The following LRRC4C variants were observed in gnomAD, a reference collection of about 807,000 sequenced individuals.
LRRC4C encodes the protein leucine rich repeat containing 4C.
A neutral mutation model predicts 33.6 loss-of-function variants in LRRC4C; 5 were observed. That is an observed-to-expected ratio of 0.15 (90% CI 0.08 to 0.31). LRRC4C has a LOEUF of 0.31. LRRC4C is among the 10% of genes least tolerant of loss of function. The pLI is 1.00. For missense variants in LRRC4C, 560 were observed against 796.7 expected, an observed-to-expected ratio of 0.70 and a Z score of 3.58; for synonymous variants, 329 against 302.0, an observed-to-expected ratio of 1.09 and a Z score of -0.93.
intron 2 of LRRC4C, among the ~76,000 whole-genome samples, chr11:40,870,186 T>C (rs1954564662): frequency 1.3e-5 from 2 of 152,116 alleles, no homozygotes; most frequent in African/African-American, 4.8e-5. Context: ...ATAAAAATAT[T>C]ATTAATAGTC....
At chr11:40,650,860 A>G (rs1157178100) in intron 2 of LRRC4C, among the ~76,000 whole-genome samples, 12 of 152,108 alleles carry the variant, frequency 7.9e-5, no homozygotes. Context: ...CAAACCACCC[A>G]TTAATGCCCT....
chr11:41,205,215 C>T (rs1946550048), intron 1 of LRRC4C, among the ~76,000 whole-genome samples: 1 of 152,100 alleles, frequency 6.6e-6, no homozygotes, highest in Admixed American at 6.5e-5. Flanking sequence ...ATAGATCATA[C>T]AGAGCTATAT....
intron 1 of LRRC4C, among the ~76,000 whole-genome samples, chr11:41,351,131 G>A (rs975878694): frequency 6.6e-6 from 1 of 152,008 alleles, no homozygotes; most frequent in Non-Finnish European, 1.5e-5. Context: ...TACTCAGCAG[G>A]CTGGGGTGGG....
intron 2 of LRRC4C, among the ~76,000 whole-genome samples, chr11:40,813,612 C>T (rs1406279774): frequency 6.6e-6 from 1 of 152,122 alleles, no homozygotes; most frequent in African/African-American, 2.4e-5. Context: ...ATCATGCCTT[C>T]CCAATAGTCC....
chr11:40,747,219 G>A (rs1432423703), intron 2 of LRRC4C, among the ~76,000 whole-genome samples: 1 of 152,192 alleles, frequency 6.6e-6, no homozygotes, highest in African/African-American at 2.4e-5. Flanking sequence ...CCTACCTGGA[G>A]TACCAGTCCT....
Position 41,331,966 on chromosome 11 carries a change from C to G in LRRC4C, c.-496+127465G>C, listed in dbSNP as rs138756618. ...AATTGCCTGCACTCCCATGATAACC[C>G]CTTATTTTTATTATTGTTCAAAGTA... On this transcript the variant is annotated intron_variant, in intron 1 of 6. Transcript: ENST00000528697. 2.1e-3 allele frequency among the ~76,000 whole-genome samples: 314 copies of G among 152,212 alleles called. 1 individual carries two copies. Among genetic ancestry groups the G allele is most frequent in the African/African-American group, 7.1e-3 (295 of 41,520 alleles).
chr11:40,898,366 A>AAAGAAAG lies in LRRC4C; in HGVS notation c.-407+35268_-407+35269insCTTTCTT, dbSNP rs1554991244. Among the ~76,000 whole-genome samples, 6 of 117,374 alleles carry AAAGAAAG rather than the reference A, an allele frequency of 5.1e-5. 1 individual carries two copies. Among genetic ancestry groups the AAAGAAAG allele is most frequent in the African/African-American group, 1.1e-4 (4 of 35,404 alleles). 77.0% of individuals were successfully genotyped at this position (117,374 alleles called of 152,430 possible). A position where few individuals can be genotyped will look rare whatever the true frequency, so the allele number is the denominator to read the frequency against. On this transcript the variant is annotated intron_variant, in intron 2 of 6. Transcript: ENST00000528697. ...GAAACTCCATCTCAAAAAAAAAAAA[A>AAAGAAAG]AAAAAAGAAAAAAGAAATGTAAGCT...
chr11:40,970,415 C>T (rs1255667853), intron 1 of LRRC4C, among the ~76,000 whole-genome samples: 1 of 152,112 alleles, frequency 6.6e-6, no homozygotes, highest in African/African-American at 2.4e-5. Context: ...CACCTTTCAC[C>T]ATGATTGTAA....
At chr11:41,403,057 T>C (rs1202621343) in intron 1 of LRRC4C, among the ~76,000 whole-genome samples, 1 of 152,086 alleles carries the variant, frequency 6.6e-6, no homozygotes, top group Non-Finnish European at 1.5e-5. Flanking sequence ...TGCTGAAGTA[T>C]AGACAGCTTA....
chr11:40,842,300 A>G (rs2135659520), intron 2 of LRRC4C, among the ~76,000 whole-genome samples: 1 of 152,244 alleles, frequency 6.6e-6, no homozygotes, highest in South Asian at 2.1e-4. Flanking sequence ...ATAGCCTCAC[A>G]TCCCAACTCT....
chr11:40,615,271 C>T (rs201416461), intron 3 of LRRC4C, among the ~76,000 whole-genome samples: 3,696 of 30,984 alleles, frequency 0.12, 184 homozygotes, highest in African/African-American at 0.21. Context: ...TATATACACA[C>T]ACACACACAT....
chr11:41,403,731 C>T (rs528335707), intron 1 of LRRC4C, among the ~76,000 whole-genome samples: 8 of 152,046 alleles, frequency 5.3e-5, no homozygotes, highest in African/African-American at 1.7e-4. Flanking sequence ...AACACGAGGG[C>T]TGATTTTTGT....
chr11:40,578,953 TG>T (rs1958339942), intron 3 of LRRC4C, among the ~76,000 whole-genome samples: 1 of 152,180 alleles, frequency 6.6e-6, no homozygotes, highest in Middle Eastern at 3.2e-3. Flanking sequence ...CCAAACCTAT[TG>T]GCCAAAAATT....
Position 40,818,416 on chromosome 11 carries a change from A to G in LRRC4C, c.-407+115219T>C, listed in dbSNP as rs564820698. On this transcript the variant is annotated intron_variant, in intron 2 of 6. Transcript: ENST00000528697. ...TTCACTTGGTATATCTTGCAACACT[A>G]AATTGCTAAATATATCAAATAAGCT... Among the ~76,000 whole-genome samples, 85 of 152,254 alleles carry G rather than the reference A, an allele frequency of 5.6e-4. 2 individuals are homozygous for G. The South Asian group carries it at 0.017, about 31-fold the overall frequency.
chr11:40,177,218 G>T (rs1394014976), intron 5 of LRRC4C, among the ~76,000 whole-genome samples: 3 of 151,798 alleles, frequency 2.0e-5, no homozygotes, highest in Admixed American at 6.6e-5. Flanking sequence ...CTCCCAAAGT[G>T]CTGGGATTAC....
At chr11:40,906,553 T>C (rs1389256830) in intron 2 of LRRC4C, among the ~76,000 whole-genome samples, 1 of 152,072 alleles carries the variant, frequency 6.6e-6, no homozygotes, top group East Asian at 1.9e-4. Context: ...CAAACCTACA[T>C]ATAGTGTAAG....
At chr11:40,129,033 T>C (rs1444230773) in intron 6 of LRRC4C, among the ~76,000 whole-genome samples, 3 of 152,198 alleles carry the variant, frequency 2.0e-5, no homozygotes, top group African/African-American at 7.2e-5. Context: ...AGTAGAGACT[T>C]GTCTTCCTTA....
intron 3 of LRRC4C, among the ~76,000 whole-genome samples, chr11:40,402,713 T>A (rs1949806478): frequency 6.6e-6 from 1 of 152,104 alleles, no homozygotes; most frequent in Admixed American, 6.6e-5. Flanking sequence ...AAGGGTGAAA[T>A]GAAAGAAGTA....
In LRRC4C at chr11:40,603,699, C is replaced by T. The variant is rs576858996; in HGVS notation, c.-270+44443G>A. 4.6e-5 allele frequency among the ~76,000 whole-genome samples: 7 copies of T among 152,196 alleles called. No individual in the cohort carries two copies. In the South Asian group the frequency reaches 6.2e-4, roughly 14 times the overall value. On this transcript the variant is annotated intron_variant, in intron 3 of 6. Transcript: ENST00000528697. ...TTCACTGAGTTTATTCACTTTGCAA[C>T]GCAGAGGAGACCCTTAAGGCCTTAC...
Sources: gnomAD v4.1 joint callset for allele counts (sites outside exome capture counted in the v4.1 genomes callset) on GRCh38, gnomAD v4.1.1 for gene constraint, MANE v1.5 for transcripts, NCBI Gene and HGNC (gene_info 2026-07-23, HGNC 2026-07-21) for gene names.